Variants in TRMT11 observed in about 807,000 individuals in gnomAD.
The protein encoded by TRMT11 is tRNA methyltransferase 11.
A neutral mutation model predicts 62.8 loss-of-function variants in TRMT11; 53 were observed. The ratio of observed to expected loss-of-function variants is 0.84; its 90% confidence interval spans 0.68 to 1.06. The LOEUF (loss-of-function observed/expected upper bound fraction) is 1.06, where lower values mean the gene tolerates loss of function less well. Among genes scored for constraint, TRMT11 ranks in the 50% least tolerant of loss-of-function variants. TRMT11 has a pLI of 0.00. For synonymous variants in TRMT11, 188 were observed against 190.3 expected (o/e 0.99, Z 0.10); for missense variants, 556 against 553.4 (o/e 1.00, Z -0.05).
chr6:126,127,797 G>A (rs1404782968), intron 21 of TRMT11, among the ~76,000 whole-genome samples: 1 of 151,866 alleles, frequency 6.6e-6, no homozygotes, highest in African/African-American at 2.4e-5. Flanking sequence ...TAAGTTTTCT[G>A]TGAGGGAGAA....
At chr6:126,048,433 G>A (rs1776121217) in intron 16 of TRMT11, among the ~76,000 whole-genome samples, 1 of 152,182 alleles carries the variant, frequency 6.6e-6, no homozygotes, top group African/African-American at 2.4e-5. Context: ...GAAAAGTAGA[G>A]ATTTGCAGAT....
At chr6:126,089,907 T>C (rs143887839) in intron 17 of TRMT11, among the ~76,000 whole-genome samples, 1 of 152,392 alleles carries the variant, frequency 6.6e-6, no homozygotes, top group Non-Finnish European at 1.5e-5. Context: ...AAGGAAATTA[T>C]AGACTACATT....
At chr6:126,062,783 G>T (rs892853783) in intron 17 of TRMT11, among the ~76,000 whole-genome samples, 3 of 152,096 alleles carry the variant, frequency 2.0e-5, no homozygotes, top group East Asian at 1.9e-4. Flanking sequence ...TTTTTTATTA[G>T]TGAATGTAAA....
downstream of TRMT11, among the ~76,000 whole-genome samples, chr6:126,040,225 G>A (rs906830725): frequency 3.9e-5 from 6 of 151,952 alleles, no homozygotes; most frequent in African/African-American, 1.4e-4. Context: ...TGGAAAGTTG[G>A]AATATTAATT....
chr6:126,060,700 G>T (rs1474529913), intron 17 of TRMT11, among the ~76,000 whole-genome samples: 1 of 152,230 alleles, frequency 6.6e-6, no homozygotes, highest in Non-Finnish European at 1.5e-5. Context: ...CAATAGCTGA[G>T]TTTCAAAGTT....
At chr6:126,114,090 T>C (rs1041665627) in intron 18 of TRMT11, among the ~76,000 whole-genome samples, 1 of 152,028 alleles carries the variant, frequency 6.6e-6, no homozygotes. Context: ...CAATTCAGAG[T>C]GCATTTCATG....
chr6:126,029,134 G>A (rs1773723694), intron 12 of TRMT11, among the ~76,000 whole-genome samples: 1 of 151,966 alleles, frequency 6.6e-6, no homozygotes. Context: ...TTTCTTATTT[G>A]TCATATGTTT....
At chr6:126,133,043 A>G (rs1014851587) in intron 21 of TRMT11, among the ~76,000 whole-genome samples, 3 of 151,818 alleles carry the variant, frequency 2.0e-5, no homozygotes, top group Non-Finnish European at 4.4e-5. Flanking sequence ...GCTCCACAAA[A>G]CCCATTTTAT....
intron 1 of TRMT11, among the ~76,000 whole-genome samples, chr6:126,190,060 T>C (rs940554477): frequency 6.6e-6 from 1 of 152,160 alleles, no homozygotes; most frequent in Non-Finnish European, 1.5e-5. Context: ...GTTGGAAACA[T>C]TATAATTTCT....
the TRMT11 span, among the ~76,000 whole-genome samples, chr6:126,255,425 T>C: frequency 6.6e-6 from 1 of 152,334 alleles, no homozygotes; most frequent in East Asian, 1.9e-4. Flanking sequence ...CCTCATGTTA[T>C]TTATAGTAAA....
At chr6:126,012,620 G>A in intron 9 of TRMT11, 151 bp from the exon 10 acceptor site, 3 of 588,980 alleles carry the variant, frequency 5.1e-6, no homozygotes, top group Non-Finnish European at 9.1e-6. Context: ...CCTCTCCCAA[G>A]TCTTTATGTT....
chr6:126,062,853 A>G (rs912958440), intron 17 of TRMT11, among the ~76,000 whole-genome samples: 13 of 152,352 alleles, frequency 8.5e-5, no homozygotes, highest in South Asian at 4.1e-4. Context: ...TAAAAAATAA[A>G]TTGAATCAAG....
At position 125,986,639 on chromosome 6, in the gene TRMT11, C is replaced by A; in HGVS notation, c.72+17C>A. ...CGCCTGCCGGTGAGTCCGTAGCGCCCTCCGGAACTTCCGACGGAAGAGGAC... is the reference window on the plus strand; with the variant it reads ...CGCCTGCCGGTGAGTCCGTAGCGCCATCCGGAACTTCCGACGGAAGAGGAC... On this transcript the variant is annotated intron_variant, in intron 1 of 12. Coordinates refer to ENST00000334379, the MANE Select transcript of TRMT11 (RefSeq NM_001031712.3). 1 of 1,571,944 alleles carries A rather than the reference C, an allele frequency of 6.4e-7. No homozygotes were observed. Among genetic ancestry groups the A allele is most frequent in the Non-Finnish European group, 8.6e-7 (1 of 1,160,052 alleles).
intron 17 of TRMT11, among the ~76,000 whole-genome samples, chr6:126,095,707 A>G (rs1056237700): frequency 1.3e-5 from 2 of 152,188 alleles, no homozygotes; most frequent in Admixed American, 1.3e-4. Context: ...GATACCTATT[A>G]TAATAAAGGT....
At chr6:126,111,035 G>A (rs1281459378) in intron 17 of TRMT11, among the ~76,000 whole-genome samples, 3 of 152,054 alleles carry the variant, frequency 2.0e-5, no homozygotes, top group Non-Finnish European at 2.9e-5. Flanking sequence ...GGATATGGGA[G>A]GAGACTTAAA....
intron 8 of TRMT11, chr6:126,008,711 C>T: frequency 1.5e-6 from 1 of 671,568 alleles, no homozygotes; most frequent in Admixed American, 2.0e-5. Flanking sequence ...TCCACTTCCA[C>T]TTCATGAATA....
chr6:126,145,405 C>T (rs1029002027), intron 21 of TRMT11, among the ~76,000 whole-genome samples: 12 of 152,066 alleles, frequency 7.9e-5, no homozygotes, highest in African/African-American at 2.7e-4. Flanking sequence ...CGACAGAGAA[C>T]GCTGGACTAG....
rs976752013 is a variant in TRMT11 at position 125,996,100 on chromosome 6, C to T, written c.212+60C>T. ...CTGGTACTTCTCATAACCACTCAAT[C>T]CTGTTTTTTGCTATATTGGGCAGTG... On this transcript the variant is annotated intron_variant, in intron 3 of 12. Coordinates refer to ENST00000334379, the MANE Select transcript of TRMT11 (RefSeq NM_001031712.3). The T allele has an allele frequency of 2.2e-5, 27 of 1,222,156 alleles. No homozygotes were observed. In the African/African-American group the frequency reaches 2.3e-4, roughly 10 times the overall value. 75.7% of individuals were successfully genotyped at this position (1,222,156 alleles called of 1,614,324 possible). A position where few individuals can be genotyped will look rare whatever the true frequency, so the allele number is the denominator to read the frequency against.
chr6:126,086,035 A>G (rs529546270), intron 17 of TRMT11, among the ~76,000 whole-genome samples: 2 of 152,344 alleles, frequency 1.3e-5, no homozygotes, highest in East Asian at 3.9e-4. Context: ...GAGAAGTGGT[A>G]TCAGAGGTCT....
Sources: allele counts gnomAD v4.1 joint callset (sites outside exome capture counted in the v4.1 genomes callset), GRCh38; gene constraint gnomAD v4.1.1; transcripts MANE v1.5; gene names NCBI Gene and HGNC (gene_info 2026-07-23, HGNC 2026-07-21).